JAKMIP2: variants seen among roughly 807,000 people sequenced by gnomAD.
The protein encoded by JAKMIP2 is janus kinase and microtubule-interacting protein 2.
A neutral mutation model predicts 115.0 loss-of-function variants in JAKMIP2; 25 were observed. That is an observed-to-expected ratio of 0.22 (90% confidence interval 0.16 to 0.30). The LOEUF (loss-of-function observed/expected upper bound fraction) is 0.30. Among genes scored for constraint, JAKMIP2 ranks in the 10% least tolerant of loss-of-function variants. JAKMIP2 has a pLI of 1.00. For missense variants in JAKMIP2, 642 were observed against 957.6 expected (o/e 0.67, Z 4.35); for synonymous variants, 334 against 343.6 (o/e 0.97, Z 0.31).
intron 21 of JAKMIP2, among the ~76,000 whole-genome samples, chr5:147,598,425 C>CATCTATCTATCT (rs71001444): frequency 0.14 from 20,345 of 148,268 alleles, 1,918 homozygotes; most frequent in East Asian, 0.33. Context: ...CTCTCATTTT[C>CATCTATCTATCT]ATCTATCTAT....
At chr5:147,742,024 A>C (rs1754157195) in intron 1 of JAKMIP2, among the ~76,000 whole-genome samples, 1 of 151,596 alleles carries the variant, frequency 6.6e-6, no homozygotes, top group Non-Finnish European at 1.5e-5. Context: ...CCACTCTGCT[A>C]ACTAGTGTAA....
At chr5:147,726,019 GTGGGTCT>G (rs1753503549) in intron 1 of JAKMIP2, among the ~76,000 whole-genome samples, 1 of 152,156 alleles carries the variant, frequency 6.6e-6, no homozygotes, top group Non-Finnish European at 1.5e-5. Flanking sequence ...GCTGCAATAA[GTGGGTCT>G]TTCTCTGCCT....
chr5:147,593,963 G>A (rs1021184035), intron 21 of JAKMIP2, among the ~76,000 whole-genome samples: 6 of 152,082 alleles, frequency 3.9e-5, no homozygotes, highest in African/African-American at 1.2e-4. Context: ...TCAATGTATA[G>A]CATATCAAAG....
At chr5:147,591,733 AG>A in intron 21 of JAKMIP2, 47 bp from the exon 22 acceptor site, 1 of 1,183,820 alleles carries the variant, frequency 8.4e-7, no homozygotes, top group Non-Finnish European at 1.2e-6. Flanking sequence ...TTTTGTTAAT[AG>A]CTGAATCATA....
chr5:147,636,209 G>T lies in JAKMIP2; in HGVS notation c.1677+13C>A. 3.1e-6 allele frequency: 5 copies of T among 1,609,396 alleles called. No individual in the cohort carries two copies. Among genetic ancestry groups the T allele is most frequent in the Non-Finnish European group, 4.3e-6 (5 of 1,175,722 alleles). On this transcript the variant is annotated intron_variant, in intron 12 of 21. Coordinates refer to ENST00000616793, the MANE Select transcript of JAKMIP2 (RefSeq NM_001270941.2). ...TTCTCCTCTGCCCCGCTAGGGTGTT[G>T]TGCCCAACATACCTTTTCTAAAAGC... is the stretch of plus-strand genomic sequence containing the variant.
chr5:147,763,567 T>G (rs2127053223), intron 1 of JAKMIP2, among the ~76,000 whole-genome samples: 1 of 152,236 alleles, frequency 6.6e-6, no homozygotes. Context: ...TTCTTCTTCT[T>G]TGCATTTTGT....
In JAKMIP2 at chr5:147,675,782, CATT is replaced by C. The variant is rs1470375652; in HGVS notation, c.-148-3831_-148-3829del. Among the ~76,000 whole-genome samples the C allele has an allele frequency of 6.5e-3, 823 of 126,746 alleles. 15 individuals are homozygous for C. Among genetic ancestry groups the C allele is most frequent in the African/African-American group, 0.023 (743 of 32,490 alleles). 83.2% of individuals were successfully genotyped at this position (126,746 alleles called of 152,430 possible). On this transcript the variant is annotated intron_variant, in intron 1 of 21. Transcript: ENST00000616793. ...ATTTTGTATAAGTGGAATCATATGACATTTTTTTTTTTTTTTTTTTTTTGTGAC... is the reference window on the plus strand; with the variant it reads ...ATTTTGTATAAGTGGAATCATATGACTTTTTTTTTTTTTTTTTTTTGTGAC...
intron 21 of JAKMIP2, among the ~76,000 whole-genome samples, chr5:147,597,612 C>T (rs983209485): frequency 7.9e-5 from 12 of 152,154 alleles, no homozygotes; most frequent in Non-Finnish European, 1.3e-4. Flanking sequence ...TTCATCCTTG[C>T]TCAGAAAAGG....
rs1757784600 is a variant in JAKMIP2, at chr5:147,639,628, T to C, written c.1530+4A>G. 1 of 1,612,068 alleles carries C rather than the reference T, an allele frequency of 6.2e-7. No individual in the cohort carries two copies. The highest frequency in any genetic ancestry group is 8.5e-7 in the Non-Finnish European group (1 of 1,179,230). ...TCAGAGCACTCTCACAGATACACAC[T>C]AACCTTGGCTTCTCGTTCAGCGTCG... On this transcript the variant is annotated splice_donor_region_variant and intron_variant, in intron 10 of 21. Transcript: ENST00000616793.
intron 20 of JAKMIP2, chr5:147,612,099 G>A: frequency 1.4e-6 from 1 of 717,300 alleles, no homozygotes; most frequent in Non-Finnish European, 2.6e-6. Flanking sequence ...CAACACAAAA[G>A]ACAAATATGT....
chr5:147,732,349 A>G (rs1346101762), intron 1 of JAKMIP2, among the ~76,000 whole-genome samples: 1 of 152,212 alleles, frequency 6.6e-6, no homozygotes, highest in Admixed American at 6.5e-5. Context: ...TTCATTTACA[A>G]TAATTGCCAT....
chr5:147,632,639 C>T (rs1379582002), intron 13 of JAKMIP2, 41 bp downstream of exon 13: 1 of 1,261,436 alleles, frequency 7.9e-7, no homozygotes, highest in South Asian at 1.2e-5. Context: ...GCATGTTAAT[C>T]ATTACGATTA....
chr5:147,594,735 A>G (rs1755278277), intron 21 of JAKMIP2, among the ~76,000 whole-genome samples: 1 of 152,164 alleles, frequency 6.6e-6, no homozygotes. Flanking sequence ...CTAGGAACAC[A>G]AGGGCCATCT....
At chr5:147,655,120 A>G (rs190450578) in intron 3 of JAKMIP2, among the ~76,000 whole-genome samples, 3 of 152,138 alleles carry the variant, frequency 2.0e-5, no homozygotes, top group Admixed American at 2.0e-4. Flanking sequence ...TTTTATTGAG[A>G]ATTTTCACAT....
At chr5:147,631,798 G>A (rs144888691) in intron 13 of JAKMIP2, among the ~76,000 whole-genome samples, 2 of 152,148 alleles carry the variant, frequency 1.3e-5, no homozygotes, top group South Asian at 4.1e-4. Context: ...AATATTTAGA[G>A]CTTTCAAATA....
At chr5:147,775,393 AT>A (rs1336125726) in intron 1 of JAKMIP2, among the ~76,000 whole-genome samples, 1 of 152,228 alleles carries the variant, frequency 6.6e-6, no homozygotes, top group Non-Finnish European at 1.5e-5. Context: ...GTGAGTGTGT[AT>A]CATATAACTT....
rs1344329514 is a variant in JAKMIP2, at chr5:147,588,807, A to G, written c.*2900T>C. ...TAGCAGATAAGCAGATTAGGTATATAAACCATACCACTTTTTCAAAAATTT... is the reference window on the plus strand; with the variant it reads ...TAGCAGATAAGCAGATTAGGTATATGAACCATACCACTTTTTCAAAAATTT... On this transcript the variant is annotated 3_prime_UTR_variant, in exon 22 of 22. Transcript: ENST00000616793. The G allele has an allele frequency of 6.6e-6, 1 of 152,130 alleles. No individual in the cohort carries two copies. Among genetic ancestry groups the G allele is most frequent in the East Asian group, 1.9e-4 (1 of 5,170 alleles). The allele number at this position is 152,130 out of a possible 1,614,324, so 9.4% of individuals were successfully genotyped here. A position where few individuals can be genotyped will look rare whatever the true frequency, so the allele number is the denominator to read the frequency against.
Position 147,661,191 on chromosome 5 carries a change from T to C in JAKMIP2, c.384A>G (p.Lys128=), listed in dbSNP as rs540737599. ...LCALRDGSSD[K]VRTALTIEAR... is the part of the protein sequence containing the mutation. ...CCTCAATGGTGAGCGCTGTCCTTAC[T>C]TTGTCACTGCTGCCGTCGCGGAGAG... Residue 128 remains lysine, a synonymous_variant, in exon 3 of 22, where the codon AAA becomes AAG. Transcript: ENST00000616793. 1.2e-5 allele frequency: 20 copies of C among 1,614,072 alleles called. No individual in the cohort carries two copies. In the African/African-American group the frequency reaches 1.9e-4, roughly 15 times the overall value.
At chr5:147,746,386 T>C (rs1754347340) in intron 1 of JAKMIP2, among the ~76,000 whole-genome samples, 1 of 152,166 alleles carries the variant, frequency 6.6e-6, no homozygotes, top group Non-Finnish European at 1.5e-5. Flanking sequence ...AAGATAGAAC[T>C]TCAGAACAAT....
Sources: gnomAD v4.1 joint callset for allele counts (sites outside exome capture counted in the v4.1 genomes callset) on GRCh38, gnomAD v4.1.1 for gene constraint, MANE v1.5 for transcripts, NCBI Gene and HGNC (gene_info 2026-07-23, HGNC 2026-07-21) for gene names.